Variants in TMEM183A observed in about 807,000 individuals in gnomAD.
TMEM183A encodes chromosome 1 open reading frame 37.
Under a neutral mutation model 46.7 loss-of-function variants are expected in TMEM183A, and 21 were observed. The ratio of observed to expected loss-of-function variants is 0.45; its 90% confidence interval spans 0.32 to 0.65. The LOEUF (loss-of-function observed/expected upper bound fraction) is 0.65, where lower values mean the gene tolerates loss of function less well. Ranked by LOEUF, TMEM183A falls within the 30% of genes least tolerant of loss-of-function variation. TMEM183A has a pLI of 0.04. For synonymous variants in TMEM183A, 165 were observed against 180.2 expected, an observed-to-expected ratio of 0.92 and a Z score of 0.68; for missense variants, 331 against 481.9, an observed-to-expected ratio of 0.69 and a Z score of 2.93.
Position 203,007,664 on chromosome 1 carries a change from CG to C in TMEM183A, c.109+91del, listed in dbSNP as rs1280985973. On this transcript the variant is annotated intron_variant, in intron 1 of 7. Transcript: ENST00000367242. Reference sequence around the variant, plus strand: ...GTGCCGAGGTGAGCGCTCGCGTGCCCGCGGCTGGAGGGCGGCTCGGTCCGGG... The same window carrying C: ...GTGCCGAGGTGAGCGCTCGCGTGCCCCGGCTGGAGGGCGGCTCGGTCCGGG... 2.0e-5 allele frequency: 31 copies of C among 1,540,624 alleles called. No homozygotes were observed. The East Asian group carries it at 6.9e-4, about 34-fold the overall frequency.
At chr1:203,022,702 CAA>C (rs112434420) in intron 7 of TMEM183A, among the ~76,000 whole-genome samples, 151 bp from the exon 8 acceptor site, 23 of 100,508 alleles carry the variant, frequency 2.3e-4, no homozygotes, top group Non-Finnish European at 2.1e-4. Flanking sequence ...GGTCCTTTCT[CAA>C]AAAAAAAAAA....
At position 203,024,656 on chromosome 1, in the gene TMEM183A, A is replaced by G. The variant is rs1658027646; in HGVS notation, c.*1616A>G. 1 of 152,160 alleles carries G rather than the reference A, an allele frequency of 6.6e-6. No individual in the cohort carries two copies. The highest frequency in any genetic ancestry group is 1.5e-5 in the Non-Finnish European group (1 of 68,030). 9.4% of individuals were successfully genotyped at this position (152,160 alleles called of 1,614,324 possible). On this transcript the variant is annotated 3_prime_UTR_variant, in exon 8 of 8. Coordinates refer to ENST00000367242, the MANE Select transcript of TMEM183A (RefSeq NM_138391.6). Reference sequence around the variant, plus strand: ...TTGGGCATTTGAGTGATAACAGACAACCTAAGGACAATGAGCACTTTGCAG... The same window carrying G: ...TTGGGCATTTGAGTGATAACAGACAGCCTAAGGACAATGAGCACTTTGCAG...
At chr1:203,015,906 C>G in intron 4 of TMEM183A, 54 bp from the exon 5 acceptor site, 1 of 1,581,892 alleles carries the variant, frequency 6.3e-7, no homozygotes, top group Non-Finnish European at 8.6e-7. Flanking sequence ...GAAAACTGAC[C>G]TAGAGCAGGA....
chr1:203,020,412 T>G (rs1013931787), intron 6 of TMEM183A, among the ~76,000 whole-genome samples: 3 of 152,214 alleles, frequency 2.0e-5, no homozygotes, highest in Admixed American at 6.5e-5. Context: ...TTATGGTGTC[T>G]GGAATTAGGT....
chr1:203,022,632 GGC>G (rs1435206785), intron 7 of TMEM183A, among the ~76,000 whole-genome samples: 1 of 151,774 alleles, frequency 6.6e-6, no homozygotes, highest in Admixed American at 6.6e-5. Flanking sequence ...GATCCCAGGA[GGC>G]GGAGGTTGCA....
intron 3 of TMEM183A, among the ~76,000 whole-genome samples, chr1:203,010,600 G>C (rs1656475482): frequency 6.6e-6 from 1 of 152,114 alleles, no homozygotes; most frequent in Non-Finnish European, 1.5e-5. Context: ...ATACTTCTTT[G>C]TCCTTAATTT....
intron 7 of TMEM183A, among the ~76,000 whole-genome samples, chr1:203,022,634 C>T (rs1248822980): frequency 1.3e-5 from 2 of 148,184 alleles, no homozygotes; most frequent in Admixed American, 6.9e-5. Context: ...TCCCAGGAGG[C>T]GGAGGTTGCA....
At chr1:203,014,404 A>G (rs1329270766) in intron 3 of TMEM183A, among the ~76,000 whole-genome samples, 1 of 152,168 alleles carries the variant, frequency 6.6e-6, no homozygotes, top group African/African-American at 2.4e-5. Flanking sequence ...GGAGTTCGAG[A>G]CCAGCCTGGT....
In TMEM183A at chr1:203,007,761, T is replaced by A; in HGVS notation, c.110-13T>A. On this transcript the variant is annotated splice_polypyrimidine_tract_variant and intron_variant, in intron 1 of 7. Coordinates refer to ENST00000367242, the MANE Select transcript of TMEM183A (RefSeq NM_138391.6). ...AGAAGGCCTCTTCCTTGAGGGTTGG[T>A]GCTGTGTTGCAGTGACCGTGGCGGA... is the stretch of plus-strand genomic sequence containing the variant. 1 of 1,613,822 alleles carries A rather than the reference T, an allele frequency of 6.2e-7. No individual in the cohort carries two copies. The highest frequency in any genetic ancestry group is 1.1e-5 in the South Asian group (1 of 91,070).
chr1:203,010,349 A>G (rs1021385293), intron 3 of TMEM183A, among the ~76,000 whole-genome samples: 1 of 152,180 alleles, frequency 6.6e-6, no homozygotes, highest in Non-Finnish European at 1.5e-5. Flanking sequence ...GGATCCCAAA[A>G]TTAAAACAGG....
intron 6 of TMEM183A, among the ~76,000 whole-genome samples, chr1:203,020,478 G>A (rs1398387577): frequency 6.6e-6 from 1 of 152,186 alleles, no homozygotes; most frequent in Non-Finnish European, 1.5e-5. Context: ...AGTCTGACAA[G>A]TTACAAGGAA....
In TMEM183A at chr1:203,023,951, T is replaced by G. The variant is rs1657953913; in HGVS notation, c.*911T>G. 6.6e-6 allele frequency: 1 copy of G among 152,236 alleles called. No individual in the cohort carries two copies. Among genetic ancestry groups the G allele is most frequent in the Non-Finnish European group, 1.5e-5 (1 of 68,042 alleles). The allele number at this position is 152,236 out of a possible 1,614,324, so 9.4% of individuals were successfully genotyped here. ...GGTAAGTAAAAAATTGATTGTGGTA[T>G]ATGTTATTCTAATCAGCCAAAAAAG... On this transcript the variant is annotated 3_prime_UTR_variant, in exon 8 of 8. Transcript: ENST00000367242.
chr1:203,007,435 G>C lies in TMEM183A; in HGVS notation c.-31G>C. ...GCGGAGCCGGGCGGAGCTGGCTTGC[G>C]GCTCCCGGGGCCGGCTCTCCGGCCG... is the stretch of plus-strand genomic sequence containing the variant. On this transcript the variant is annotated 5_prime_UTR_variant, in exon 1 of 8. Coordinates refer to ENST00000367242, the MANE Select transcript of TMEM183A (RefSeq NM_138391.6). 7.2e-7 allele frequency: 1 copy of C among 1,398,550 alleles called. No individual in the cohort carries two copies. The highest frequency in any genetic ancestry group is 9.3e-7 in the Non-Finnish European group (1 of 1,075,286). The allele number at this position is 1,398,550 out of a possible 1,614,324, so 86.6% of individuals were successfully genotyped here.
At chr1:203,020,982 C>CTTTTTTTTT in intron 7 of TMEM183A, 34 bp downstream of exon 7, 1 of 1,233,058 alleles carries the variant, frequency 8.1e-7, no homozygotes, top group Non-Finnish European at 1.0e-6. Context: ...TTCTCAGCTC[C>CTTTTTTTTT]TTTTTTTTTT....
intron 6 of TMEM183A, 139 bp from the exon 7 acceptor site, chr1:203,020,654 G>T: frequency 9.2e-7 from 1 of 1,085,832 alleles, no homozygotes; most frequent in Non-Finnish European, 1.3e-6. Flanking sequence ...TTTGATCTCT[G>T]TATAGAAACA....
rs779032403 is a variant in TMEM183A at position 203,013,336 on chromosome 1, A to G, written c.368-1553A>G. ...AAGCTGGTCATTTTAGGATAGTTCTATGACTAGGTTTGAAATAAGGGTTAA... is the reference window on the plus strand; with the variant it reads ...AAGCTGGTCATTTTAGGATAGTTCTGTGACTAGGTTTGAAATAAGGGTTAA... On this transcript the variant is annotated intron_variant, in intron 3 of 7. Coordinates refer to ENST00000367242, the MANE Select transcript of TMEM183A (RefSeq NM_138391.6). This position sits in a 1 kb window ranked among gnomAD's most constrained non-coding sequence, Gnocchi z 4.0. 1.9e-4 allele frequency among the ~76,000 whole-genome samples: 29 copies of G among 152,160 alleles called. No individual in the cohort carries two copies. The highest frequency in any genetic ancestry group is 3.7e-4 in the Non-Finnish European group (25 of 68,004).
chr1:203,007,813 T>A lies in TMEM183A; in HGVS notation c.149T>A (p.Val50Glu). 6.2e-7 allele frequency: 1 copy of A among 1,613,884 alleles called. No individual in the cohort carries two copies. Residue 50 changes from valine (V) to glutamate (E), a missense_variant, in exon 2 of 8, where the codon GTG becomes GAG. By Grantham distance (121) the Val-to-Glu change is moderately radical. Transcript: ENST00000367242. The part of the protein sequence containing the change: ...ADYANSDPAV[V>E]RSGRVKKAVA... ...TACGCCAACTCGGATCCGGCGGTCG[T>A]GAGGTCTGGACGAGTCAAGAAAGCC...
chr1:203,015,781 C>T lies in TMEM183A; in HGVS notation c.528-179C>T, dbSNP rs115888989. The T allele has an allele frequency of 2.4e-3, 1,644 of 699,528 alleles. 16 individuals carry two copies. The African/African-American group carries it at 0.025, about 11-fold the overall frequency. The allele number at this position is 699,528 out of a possible 1,614,324, so 43.3% of individuals were successfully genotyped here. On this transcript the variant is annotated intron_variant, in intron 4 of 7. Coordinates refer to ENST00000367242, the MANE Select transcript of TMEM183A (RefSeq NM_138391.6). ...ACTTTAAAAATGGATGGAGAACTGCCGGATTACAAGGCAAAGACGTAAAAG... is the reference window on the plus strand; with the variant it reads ...ACTTTAAAAATGGATGGAGAACTGCTGGATTACAAGGCAAAGACGTAAAAG...
At chr1:203,017,715 T>G (rs1320970448) in intron 5 of TMEM183A, 1 of 985,620 alleles carries the variant, frequency 1.0e-6, no homozygotes, top group Non-Finnish European at 1.2e-6. Flanking sequence ...GTTTCTGGAC[T>G]CTAGCTTTTC....
Sources: gnomAD v4.1 joint callset for allele counts (sites outside exome capture counted in the v4.1 genomes callset) on GRCh38, gnomAD v4.1.1 for gene constraint, Gnocchi (gnomAD v3.1) non-coding constraint, MANE v1.5 for transcripts, NCBI Gene and HGNC (gene_info 2026-07-23, HGNC 2026-07-21) for gene names.